TMEM132C: variants seen among roughly 807,000 people sequenced by gnomAD.
TMEM132C encodes the protein transmembrane protein 132C.
A neutral mutation model predicts 61.4 loss-of-function variants in TMEM132C; 29 were observed. The ratio of observed to expected loss-of-function variants is 0.47; its 90% CI spans 0.35 to 0.64. TMEM132C has a LOEUF of 0.64. Among genes scored for constraint, TMEM132C ranks in the 30% least tolerant of loss-of-function variants. The pLI, the probability that TMEM132C is intolerant of heterozygous loss-of-function variation, is 0.00. For synonymous variants in TMEM132C, 656 were observed against 633.1 expected, an observed-to-expected ratio of 1.04 and a Z score of -0.54; for missense variants, 1,408 against 1,476.9, an observed-to-expected ratio of 0.95 and a Z score of 0.76.
At chr12:128,427,953 A>G (rs1869252748) in intron 2 of TMEM132C, among the ~76,000 whole-genome samples, 1 of 152,222 alleles carries the variant, frequency 6.6e-6, no homozygotes, top group South Asian at 2.1e-4. Context: ...AGGAGTGCGC[A>G]GCCTTTTCAG....
intron 1 of TMEM132C, among the ~76,000 whole-genome samples, chr12:128,386,018 T>C (rs1473829653): frequency 6.6e-6 from 1 of 151,966 alleles, no homozygotes; most frequent in African/African-American, 2.4e-5. Flanking sequence ...ACGAAGTATT[T>C]GGTTCTCGCT....
chr12:128,285,504 G>A (rs1377334907), intron 1 of TMEM132C, among the ~76,000 whole-genome samples: 1 of 152,138 alleles, frequency 6.6e-6, no homozygotes, highest in African/African-American at 2.4e-5. Flanking sequence ...CAAGTAACAG[G>A]TTAACACCAG....
chr12:128,369,374 T>G (rs1253882243), intron 1 of TMEM132C, among the ~76,000 whole-genome samples: 1 of 152,198 alleles, frequency 6.6e-6, no homozygotes, highest in East Asian at 1.9e-4. Context: ...ATGTTCACTA[T>G]GAAAACATCG....
At chr12:128,561,243 G>C (rs559697896) in intron 3 of TMEM132C, among the ~76,000 whole-genome samples, 28 of 152,366 alleles carry the variant, frequency 1.8e-4, no homozygotes, top group Non-Finnish European at 3.1e-4. Flanking sequence ...TGTCATTCCA[G>C]TTGGCAAGAA....
At chr12:128,367,793 GATA>G (rs1467434918) in intron 1 of TMEM132C, among the ~76,000 whole-genome samples, 2 of 151,876 alleles carry the variant, frequency 1.3e-5, no homozygotes, top group African/African-American at 2.4e-5. Context: ...ATGTTCAAAT[GATA>G]ATATTTTTGT....
intron 2 of TMEM132C, among the ~76,000 whole-genome samples, chr12:128,541,895 C>T (rs1224988036): frequency 6.6e-6 from 1 of 152,140 alleles, no homozygotes; most frequent in East Asian, 1.9e-4. Flanking sequence ...CGAATCTCAG[C>T]ATTCAGCACA....
At chr12:128,592,688 G>A (rs1216890636) in intron 3 of TMEM132C, among the ~76,000 whole-genome samples, 1 of 152,238 alleles carries the variant, frequency 6.6e-6, no homozygotes, top group Admixed American at 6.5e-5. Context: ...CCACGGAGGG[G>A]ACACGGGCTT....
chr12:128,584,874 G>A (rs758433149), intron 3 of TMEM132C, among the ~76,000 whole-genome samples: 10 of 152,208 alleles, frequency 6.6e-5, no homozygotes, highest in Admixed American at 2.0e-4. Context: ...TGGCCTCGGG[G>A]CAGTTAGAAG....
At chr12:128,426,484 C>T (rs1200936732) in intron 2 of TMEM132C, among the ~76,000 whole-genome samples, 2 of 152,206 alleles carry the variant, frequency 1.3e-5, no homozygotes, top group South Asian at 2.1e-4. Context: ...GCATTGACTG[C>T]AGATTTGGAG....
chr12:128,429,855 G>A lies in TMEM132C; in HGVS notation c.974+14235G>A, dbSNP rs184160565. Reference sequence around the variant, plus strand: ...TCCCAAAACAGGGTGCCCAGGCATGGGACTGGCTCTTAAAAATGTGGGGCC... The same window carrying A: ...TCCCAAAACAGGGTGCCCAGGCATGAGACTGGCTCTTAAAAATGTGGGGCC... On this transcript the variant is annotated intron_variant, in intron 2 of 8. Coordinates refer to ENST00000435159, the MANE Select transcript of TMEM132C (RefSeq NM_001136103.3). Among the ~76,000 whole-genome samples the A allele has an allele frequency of 2.6e-3, 402 of 152,260 alleles. 2 individuals are homozygous for A. The highest frequency in any genetic ancestry group is 3.7e-3 in the Non-Finnish European group (250 of 68,022).
chr12:128,507,341 A>T (rs144602161), intron 2 of TMEM132C, among the ~76,000 whole-genome samples: 40 of 151,610 alleles, frequency 2.6e-4, no homozygotes, highest in African/African-American at 9.4e-4. Context: ...AAGAAACTGA[A>T]ACCCTTGTAA....
Position 128,345,854 on chromosome 12 carries a change from A to C in TMEM132C, c.86-68878A>C, listed in dbSNP as rs374513620. On this transcript the variant is annotated intron_variant, in intron 1 of 8. Coordinates refer to ENST00000435159, the MANE Select transcript of TMEM132C (RefSeq NM_001136103.3). The stretch of plus-strand genomic sequence containing the variant: ...TGTATGTTGTCTGTTTATTCTGTTG[A>C]TAGTTTCTTTTGTTGTGCAGAAGCT... 7.2e-5 allele frequency among the ~76,000 whole-genome samples: 11 copies of C among 151,918 alleles called. No individual in the cohort carries two copies. In the East Asian group the frequency reaches 1.7e-3, roughly 24 times the overall value.
At chr12:128,657,310 G>A (rs560493029) in intron 4 of TMEM132C, among the ~76,000 whole-genome samples, 1 of 152,122 alleles carries the variant, frequency 6.6e-6, no homozygotes, top group Admixed American at 6.5e-5. Flanking sequence ...CCACAGAGAG[G>A]GAAAACGTAA....
chr12:128,616,407 C>T, intron 4 of TMEM132C, 72 bp downstream of exon 4: 2 of 1,398,026 alleles, frequency 1.4e-6, no homozygotes, highest in Non-Finnish European at 1.9e-6. Context: ...TCCTATCTGT[C>T]ATGGGATGTT....
intron 2 of TMEM132C, among the ~76,000 whole-genome samples, chr12:128,509,357 G>T (rs1339234007): frequency 6.6e-6 from 1 of 152,090 alleles, no homozygotes; most frequent in Non-Finnish European, 1.5e-5. Flanking sequence ...AATGAGGCAG[G>T]GGTCACATTC....
chr12:128,616,465 T>C (rs1228578233), intron 4 of TMEM132C, 130 bp downstream of exon 4: 5 of 983,796 alleles, frequency 5.1e-6, no homozygotes, highest in Non-Finnish European at 7.2e-6. Context: ...TTCTCGTCTT[T>C]CCTCACCCTG....
rs181401392 is a variant in TMEM132C at position 128,492,859 on chromosome 12, G to A, written c.975-51098G>A. Among the ~76,000 whole-genome samples, 130 of 152,142 alleles carry A rather than the reference G, an allele frequency of 8.5e-4. 1 individual carries two copies. The highest frequency in any genetic ancestry group is 3.0e-3 in the African/African-American group (126 of 41,508). On this transcript the variant is annotated intron_variant, in intron 2 of 8. Coordinates refer to ENST00000435159, the MANE Select transcript of TMEM132C (RefSeq NM_001136103.3). Reference sequence around the variant, plus strand: ...GTGCAGAAGCTCTTTAGTTTAATTGGTCCCATTTGTCAATTTTGGCTTTTG... The same window carrying A: ...GTGCAGAAGCTCTTTAGTTTAATTGATCCCATTTGTCAATTTTGGCTTTTG...
At chr12:128,345,102 TC>T (rs1267109657) in intron 1 of TMEM132C, among the ~76,000 whole-genome samples, 4 of 151,966 alleles carry the variant, frequency 2.6e-5, no homozygotes, top group Non-Finnish European at 4.4e-5. Flanking sequence ...TGTGTTGTTT[TC>T]CCCCCATGTA....
At chr12:128,345,636 GT>G (rs201641269) in intron 1 of TMEM132C, among the ~76,000 whole-genome samples, 4,481 of 152,226 alleles carry the variant, frequency 0.029, 151 homozygotes, top group African/African-American at 0.078. Flanking sequence ...TCCCATTGCA[GT>G]TTTGAATTAC....
Sources: gnomAD v4.1 joint callset for allele counts (sites outside exome capture counted in the v4.1 genomes callset) on GRCh38, gnomAD v4.1.1 for gene constraint, MANE v1.5 for transcripts, NCBI Gene and HGNC (gene_info 2026-07-23, HGNC 2026-07-21) for gene names.